Variants in ASB5 observed in about 807,000 individuals in gnomAD.
The protein encoded by ASB5 is ankyrin repeat and SOCS box protein 5.
A neutral mutation model predicts 42.1 loss-of-function variants in ASB5; 45 were observed. That is an observed-to-expected ratio of 1.07 (90% CI 0.84 to 1.37). ASB5 has a LOEUF of 1.37. Among genes scored for constraint, ASB5 ranks in the 40% most tolerant of loss-of-function variants. The pLI, the probability that ASB5 is intolerant of heterozygous loss-of-function variation, is 0.00. For missense variants in ASB5, 402 were observed against 399.8 expected (o/e 1.01, Z -0.05); for synonymous variants, 147 against 150.6 (o/e 0.98, Z 0.18).
intron 5 of ASB5, among the ~76,000 whole-genome samples, chr4:176,219,306 T>TATAAATATATATATTTGTATGATAG (rs1753103025): frequency 1.2e-5 from 1 of 84,542 alleles, no homozygotes; most frequent in African/African-American, 4.6e-5. Flanking sequence ...TTGTATGATA[T>TATAAATATATATATTTGTATGATAG]ATAAATATAT....
intron 1 of ASB5, among the ~76,000 whole-genome samples, chr4:176,268,676 A>G (rs1754408698): frequency 6.6e-6 from 1 of 152,080 alleles, no homozygotes; most frequent in Non-Finnish European, 1.5e-5. Flanking sequence ...TTCCTATTAT[A>G]TATATAGTAT....
intron 1 of ASB5, 44 bp from the exon 2 acceptor site, chr4:176,225,385 A>G (rs1388198963): frequency 6.5e-7 from 1 of 1,537,288 alleles, no homozygotes; most frequent in Non-Finnish European, 9.0e-7. Context: ...CAAAAATCCA[A>G]GAGTCAAAGT....
upstream of ASB5, among the ~76,000 whole-genome samples, chr4:176,270,449 A>G (rs1754447479): frequency 6.6e-6 from 1 of 152,124 alleles, no homozygotes; most frequent in Non-Finnish European, 1.5e-5. Flanking sequence ...ACATTCCAAC[A>G]CAGGAGAAAT....
At position 176,225,256 on chromosome 4, in the gene ASB5, T is replaced by C. The variant is rs1243880784; in HGVS notation, c.276+6A>G. On this transcript the variant is annotated splice_donor_region_variant and intron_variant, in intron 2 of 6. Coordinates refer to ENST00000296525, the MANE Select transcript of ASB5 (RefSeq NM_080874.4). ...GGTATATTTTAAACTATATGTAATA[T>C]ATTACCTGTGATAATAATGTTCTCA... 10 of 1,606,140 alleles carry C rather than the reference T, an allele frequency of 6.2e-6. No individual in the cohort carries two copies. In the East Asian group the frequency reaches 8.9e-5, roughly 14 times the overall value.
At chr4:176,219,356 T>G (rs1268539003) in intron 5 of ASB5, among the ~76,000 whole-genome samples, 554 of 82,464 alleles carry the variant, frequency 6.7e-3, no homozygotes, top group Admixed American at 0.011. Context: ...TTGTATGATA[T>G]ATAAATATAT....
At chr4:176,252,648 C>T (rs765389120) in intron 1 of ASB5, among the ~76,000 whole-genome samples, 10 of 152,320 alleles carry the variant, frequency 6.6e-5, no homozygotes, top group Non-Finnish European at 1.0e-4. Context: ...TAAGATAATC[C>T]ATGTCTTGCT....
chr4:176,261,805 A>C (rs535554150), intron 1 of ASB5, among the ~76,000 whole-genome samples: 1 of 152,098 alleles, frequency 6.6e-6, no homozygotes, highest in Non-Finnish European at 1.5e-5. Context: ...TACTTCTGCA[A>C]TGTTTGGCTC....
intron 1 of ASB5, among the ~76,000 whole-genome samples, chr4:176,236,931 C>A (rs1312729049): frequency 6.6e-6 from 1 of 152,182 alleles, no homozygotes; most frequent in East Asian, 1.9e-4. Flanking sequence ...CATCCTCCTA[C>A]TTGATGTCTA....
In ASB5 at chr4:176,269,047, A is replaced by G; in HGVS notation, c.62T>C (p.Ile21Thr). Residue 21 changes from isoleucine (I) to threonine (T), a missense_variant, in exon 1 of 7, where the codon ATA (isoleucine) becomes ACA (threonine). Transcript: ENST00000296525. Reference sequence around the variant, plus strand: ...AAGCTTAAAACAGAACAGCGAAAGTATTGTAAAGTAGACATTGGATAATTG... The same window carrying G: ...AAGCTTAAAACAGAACAGCGAAAGTGTTGTAAAGTAGACATTGGATAATTG... ...AQQLSNVYFT[I>T]LSLFCFKLFV... The G allele has an allele frequency of 3.1e-6, 5 of 1,613,456 alleles. No homozygotes were observed. Among genetic ancestry groups the G allele is most frequent in the Non-Finnish European group, 4.2e-6 (5 of 1,179,626 alleles).
rs1204408564 is a variant in ASB5 at position 176,216,965 on chromosome 4, C to T, written c.715G>A (p.Ala239Thr). ...KGKYWDTPLH[A>T]AAQQSSTEIV... ...TCTGTGCTGGATTGTTGAGCAGCAG[C>T]ATGTAATGGAGTATCCCAATATTTG... Residue 239 changes from alanine to threonine, a missense_variant, in exon 6 of 7, where the codon GCT becomes ACT. Coordinates refer to ENST00000296525, the MANE Select transcript of ASB5 (RefSeq NM_080874.4). The T allele has an allele frequency of 6.2e-7, 1 of 1,613,526 alleles. No homozygotes were observed. The highest frequency in any genetic ancestry group is 1.7e-5 in the Admixed American group (1 of 59,904).
intron 1 of ASB5, chr4:176,241,703 C>G (rs957789784): frequency 7.8e-7 from 1 of 1,277,896 alleles, no homozygotes; most frequent in Non-Finnish European, 9.9e-7. Flanking sequence ...TGAGAGTAAG[C>G]CTGACATAAG....
chr4:176,265,452 T>C (rs991815357), intron 1 of ASB5, among the ~76,000 whole-genome samples: 3 of 152,326 alleles, frequency 2.0e-5, no homozygotes, highest in Admixed American at 1.3e-4. Flanking sequence ...AACTTAAGGA[T>C]GAGAACAATA....
intron 1 of ASB5, among the ~76,000 whole-genome samples, chr4:176,230,955 T>C (rs1275636855): frequency 6.6e-6 from 1 of 152,222 alleles, no homozygotes; most frequent in African/African-American, 2.4e-5. Context: ...TCTGTAACTT[T>C]CACCATGCTA....
At chr4:176,224,703 CA>C (rs11325256) in intron 2 of ASB5, among the ~76,000 whole-genome samples, 132,208 of 150,554 alleles carry the variant, frequency 0.88, 58,409 homozygotes, top group Non-Finnish European at 0.93. Flanking sequence ...TCAGAAGCTT[CA>C]AAAAAAAAAA....
At chr4:176,243,680 T>A (rs1753855182) in intron 1 of ASB5, among the ~76,000 whole-genome samples, 1 of 151,918 alleles carries the variant, frequency 6.6e-6, no homozygotes, top group African/African-American at 2.4e-5. Context: ...TTTTTTGTAT[T>A]TTTGGTAGAA....
At chr4:176,220,736 G>T (rs975949747) in intron 5 of ASB5, among the ~76,000 whole-genome samples, 1 of 152,184 alleles carries the variant, frequency 6.6e-6, no homozygotes, top group African/African-American at 2.4e-5. Context: ...TTTAAGGTTA[G>T]CAGAAGACGA....
At position 176,215,465 on chromosome 4, in the gene ASB5, T is replaced by G; in HGVS notation, c.*135A>C. The G allele has an allele frequency of 1.2e-6, 1 of 849,298 alleles. No homozygotes were observed. Among genetic ancestry groups the G allele is most frequent in the Non-Finnish European group, 1.8e-6 (1 of 571,150 alleles). The allele number at this position is 849,298 out of a possible 1,614,324, so 52.6% of individuals were successfully genotyped here. On this transcript the variant is annotated 3_prime_UTR_variant, in exon 7 of 7. Transcript: ENST00000296525. ...GTACTAATACACTTAAAATGAAAAT[T>G]GATATTTTACTGCTTCCCTGGGTGA...
At chr4:176,272,670 G>A (rs1283242065), upstream of ASB5, among the ~76,000 whole-genome samples, 1 of 152,050 alleles carries the variant, frequency 6.6e-6, no homozygotes, top group African/African-American at 2.4e-5. Flanking sequence ...ACGAATTGTT[G>A]CTGTGTTTTA....
rs1284490636 is a variant in ASB5, at chr4:176,214,940, G to A, written c.*660C>T. 1 of 151,780 alleles carries A rather than the reference G, an allele frequency of 6.6e-6. No individual in the cohort carries two copies. Among genetic ancestry groups the A allele is most frequent in the African/African-American group, 2.4e-5 (1 of 41,312 alleles). 9.4% of individuals were successfully genotyped at this position (151,780 alleles called of 1,614,324 possible). A position where few individuals can be genotyped will look rare whatever the true frequency, so the allele number is the denominator to read the frequency against. ...TAATGTTCTAAATATCTCAGGGTGAGAGGGCAGTATTGACCTTTCATCCTA... is the reference window on the plus strand; with the variant it reads ...TAATGTTCTAAATATCTCAGGGTGAAAGGGCAGTATTGACCTTTCATCCTA... On this transcript the variant is annotated 3_prime_UTR_variant, in exon 7 of 7. Transcript: ENST00000296525.
Sources: allele counts gnomAD v4.1 joint callset (sites outside exome capture counted in the v4.1 genomes callset), GRCh38; gene constraint gnomAD v4.1.1; transcripts MANE v1.5; gene names NCBI Gene and HGNC (gene_info 2026-07-23, HGNC 2026-07-21).